Variants in SLC10A1 observed in about 807,000 individuals in gnomAD.
The protein encoded by SLC10A1 is hepatic sodium/bile acid cotransporter.
SLC10A1 carries 36 observed loss-of-function variants against 20.5 expected under a neutral mutation model. That is an observed-to-expected ratio of 1.75 (90% CI 1.34 to 2.32). SLC10A1 has a LOEUF of 2.32. SLC10A1 is among the 30% of genes most tolerant of loss of function. The pLI is 0.00. For synonymous variants in SLC10A1, 188 were observed against 163.6 expected, an observed-to-expected ratio of 1.15 and a Z score of -1.14; for missense variants, 545 against 439.1, an observed-to-expected ratio of 1.24 and a Z score of -2.16.
chr14:69,781,686 A>G (rs1287760132), intron 2 of SLC10A1, among the ~76,000 whole-genome samples: 2 of 152,200 alleles, frequency 1.3e-5, no homozygotes, highest in Non-Finnish European at 2.9e-5. Flanking sequence ...AGAGTGGTGG[A>G]TGGCTTATGG....
Position 69,786,306 on chromosome 14 carries a change from T to C in SLC10A1, c.358A>G (p.Ile120Val), listed in dbSNP as rs372485554. ...LAMKGDMNLS[I>V]VMTTCSTFCA... ...AAGGTGGAGCAGGTGGTCATCACAA[T>C]GCTGGTGGGAGACATGGGAAGAGGG... The change falls in exon 2 of 5, where the codon ATT (isoleucine) becomes GTT (valine). Residue 120 changes from isoleucine to valine, a missense_variant and splice_region_variant. Transcript: ENST00000216540. 4 of 1,613,642 alleles carry C rather than the reference T, an allele frequency of 2.5e-6. No homozygotes were observed. Among genetic ancestry groups the C allele is most frequent in the Non-Finnish European group, 2.5e-6 (3 of 1,179,768 alleles).
Position 69,775,987 on chromosome 14 carries a change from T to TATA in SLC10A1, c.*294_*295insTAT. 1 of 358,106 alleles carries TATA rather than the reference T, an allele frequency of 2.8e-6. No individual in the cohort carries two copies. Among genetic ancestry groups the TATA allele is most frequent in the Non-Finnish European group, 5.1e-6 (1 of 196,624 alleles). The allele number at this position is 358,106 out of a possible 1,614,324, so 22.2% of individuals were successfully genotyped here. On this transcript the variant is annotated 3_prime_UTR_variant, in exon 5 of 5. Coordinates refer to ENST00000216540, the MANE Select transcript of SLC10A1 (RefSeq NM_003049.4). ...GAATTGAGTGACTTTAAGATGCTTA[T>TATA]CAGACACTTTTAGAGATCCCAGCAA...
At chr14:69,777,594 TTTTTTTTTTTTA>T (rs1343409590) in intron 4 of SLC10A1, among the ~76,000 whole-genome samples, 15 of 99,420 alleles carry the variant, frequency 1.5e-4, no homozygotes, top group Admixed American at 3.8e-4. Context: ...TTTTTTTTTT[TTTTTTTTTTTTA>T]AAATTGGTGT....
intron 1 of SLC10A1, among the ~76,000 whole-genome samples, chr14:69,790,840 A>G (rs1055959441): frequency 6.6e-6 from 1 of 152,038 alleles, no homozygotes; most frequent in Non-Finnish European, 1.5e-5. Context: ...AAGAAATGAA[A>G]CTTTCTTGTT....
intron 2 of SLC10A1, among the ~76,000 whole-genome samples, chr14:69,781,694 T>C (rs1326271448): frequency 1.3e-5 from 2 of 152,210 alleles, no homozygotes; most frequent in Non-Finnish European, 2.9e-5. Flanking sequence ...GGATGGCTTA[T>C]GGTGAAAGTG....
chr14:69,794,013 A>C (rs1001887685), intron 1 of SLC10A1, among the ~76,000 whole-genome samples: 1 of 152,210 alleles, frequency 6.6e-6, no homozygotes, highest in Non-Finnish European at 1.5e-5. Context: ...CCTATGAGGC[A>C]GAGTGAGTGG....
At chr14:69,790,476 G>C (rs1473674967) in intron 1 of SLC10A1, among the ~76,000 whole-genome samples, 1 of 151,848 alleles carries the variant, frequency 6.6e-6, no homozygotes, top group African/African-American at 2.4e-5. Flanking sequence ...AAAATACAAT[G>C]AACAAGATGA....
At chr14:69,787,403 T>C (rs1403243838) in intron 1 of SLC10A1, among the ~76,000 whole-genome samples, 1 of 152,204 alleles carries the variant, frequency 6.6e-6, no homozygotes, top group Non-Finnish European at 1.5e-5. Context: ...CTCTGACTTT[T>C]ATTCCAGTGG....
At chr14:69,781,925 T>C (rs969518946) in intron 2 of SLC10A1, among the ~76,000 whole-genome samples, 2 of 152,142 alleles carry the variant, frequency 1.3e-5, no homozygotes, top group Non-Finnish European at 1.5e-5. Context: ...TTATTGAAAG[T>C]TGGGTTATTT....
chr14:69,792,047 G>A (rs1394355816), intron 1 of SLC10A1, among the ~76,000 whole-genome samples: 1 of 151,852 alleles, frequency 6.6e-6, no homozygotes, highest in Non-Finnish European at 1.5e-5. Context: ...TGCCTCCTGG[G>A]TTCAAGTGAT....
Position 69,797,017 on chromosome 14 carries a change from C to T in SLC10A1, c.139G>A (p.Glu47Lys). The T allele has an allele frequency of 6.2e-7, 1 of 1,614,224 alleles. No individual in the cohort carries two copies. The highest frequency in any genetic ancestry group is 8.5e-7 in the Non-Finnish European group (1 of 1,180,044). ...FIMLSLGCTM[E>K]FSKIKAHLWK... ...AAGTGAGCCTTGATCTTGCTGAACTCCATGGTGCAGCCCAGCGAGAGCATG... is the reference window on the plus strand; with the variant it reads ...AAGTGAGCCTTGATCTTGCTGAACTTCATGGTGCAGCCCAGCGAGAGCATG... The change falls in exon 1 of 5, where the codon GAG (glutamate) becomes AAG (lysine). Residue 47 changes from glutamate to lysine, a missense_variant. Physicochemically the swap from Glu to Lys is moderately conservative, Grantham distance 56. Transcript: ENST00000216540.
At chr14:69,777,613 GT>G (rs1883480247) in intron 4 of SLC10A1, among the ~76,000 whole-genome samples, 2 of 93,912 alleles carry the variant, frequency 2.1e-5, no homozygotes, top group Non-Finnish European at 4.5e-5. Flanking sequence ...TTTAAAATTG[GT>G]GTTAAAGTGC....
chr14:69,777,136 T>C (rs1169234976), intron 4 of SLC10A1, among the ~76,000 whole-genome samples: 1 of 152,222 alleles, frequency 6.6e-6, no homozygotes, highest in African/African-American at 2.4e-5. Context: ...TCTGGGAATT[T>C]GGTTGGTCTA....
chr14:69,785,837 G>T (rs543341879), intron 2 of SLC10A1, among the ~76,000 whole-genome samples: 26 of 147,850 alleles, frequency 1.8e-4, no homozygotes, highest in Admixed American at 6.8e-4. Context: ...TCAAACTTCT[G>T]ACCTCAAGTG....
At chr14:69,782,319 A>G (rs910224440) in intron 2 of SLC10A1, among the ~76,000 whole-genome samples, 2 of 152,168 alleles carry the variant, frequency 1.3e-5, no homozygotes, top group Admixed American at 6.5e-5. Flanking sequence ...TAGCCCTTTT[A>G]ATGTTCTCTG....
At position 69,776,017 on chromosome 14, in the gene SLC10A1, C is replaced by A; in HGVS notation, c.*265G>T. ...CACTTTTAGAGATCCCAGCAAGAGG[C>A]AGATTCGGTTTCTGGTTTCATAGAG... On this transcript the variant is annotated 3_prime_UTR_variant, in exon 5 of 5. Transcript: ENST00000216540. 2.3e-6 allele frequency: 1 copy of A among 432,800 alleles called. No individual in the cohort carries two copies. Among genetic ancestry groups the A allele is most frequent in the Non-Finnish European group, 4.1e-6 (1 of 242,466 alleles). 26.8% of individuals were successfully genotyped at this position (432,800 alleles called of 1,614,324 possible). A position where few individuals can be genotyped will look rare whatever the true frequency, so the allele number is the denominator to read the frequency against.
At chr14:69,792,935 A>G (rs1235463106) in intron 1 of SLC10A1, among the ~76,000 whole-genome samples, 1 of 152,120 alleles carries the variant, frequency 6.6e-6, no homozygotes, top group African/African-American at 2.4e-5. Flanking sequence ...TTGTTTATGA[A>G]TATATACGTA....
intron 2 of SLC10A1, among the ~76,000 whole-genome samples, chr14:69,785,346 A>G (rs553309723): frequency 3.3e-5 from 5 of 152,194 alleles, no homozygotes; most frequent in African/African-American, 1.2e-4. Context: ...AATGCTGGGA[A>G]TGGGTACACT....
rs775642688 is a variant in SLC10A1, at chr14:69,778,496, G to T, written c.780C>A (p.Cys260Ter). ...TGGTGGAACAGAGTTGGACATTTTG[G>T]CATCCAGTCTCCATGCTGACAGTGC... is the stretch of plus-strand genomic sequence containing the variant. ...CRRTVSMETG[C>*]QNVQLCSTIL... Residue 260 changes from cysteine (C) to a stop codon, truncating the protein, a stop_gained, in exon 4 of 5, where the codon TGC becomes TGA. Transcript: ENST00000216540. LOFTEE classifies it high-confidence loss of function. 8 of 1,611,632 alleles carry T rather than the reference G, an allele frequency of 5.0e-6. No individual in the cohort carries two copies. The Admixed American group carries it at 1.3e-4, about 27-fold the overall frequency.
Sources: allele counts gnomAD v4.1 joint callset (sites outside exome capture counted in the v4.1 genomes callset), GRCh38; gene constraint gnomAD v4.1.1; transcripts MANE v1.5; gene names NCBI Gene and HGNC (gene_info 2026-07-23, HGNC 2026-07-21).